Variants in KLHL29 observed in about 807,000 individuals in gnomAD.
KLHL29 encodes the protein kelch like family member 29, also known as kelch-like protein 29.
In KLHL29, 21 loss-of-function variants were observed where a neutral mutation model predicts 80.4. The ratio of observed to expected loss-of-function variants is 0.26; its 90% CI spans 0.19 to 0.38. The LOEUF is 0.38. KLHL29 is among the 10% of genes least tolerant of loss of function. KLHL29 has a pLI of 1.00. For synonymous variants in KLHL29, 511 were observed against 526.8 expected, an observed-to-expected ratio of 0.97 and a Z score of 0.41; for missense variants, 867 against 1,223.9, an observed-to-expected ratio of 0.71 and a Z score of 4.35.
chr2:23,597,403 ATATATTTTTTTTTTTTTTT>A (rs1668451888), intron 3 of KLHL29, among the ~76,000 whole-genome samples: 1 of 39,758 alleles, frequency 2.5e-5, no homozygotes, highest in Non-Finnish European at 4.6e-5. Context: ...ATATATATAT[ATATATTTTTTTTTTTTTTT>A]TTTTTTTTTT....
chr2:23,564,790 G>T (rs978186438), intron 3 of KLHL29, among the ~76,000 whole-genome samples: 1 of 152,198 alleles, frequency 6.6e-6, no homozygotes, highest in African/African-American at 2.4e-5. Context: ...TCTTGCCCTC[G>T]GGGAGCTCAC....
chr2:23,508,062 C>T (rs1266322047), intron 2 of KLHL29, among the ~76,000 whole-genome samples: 1 of 152,216 alleles, frequency 6.6e-6, no homozygotes, highest in Non-Finnish European at 1.5e-5. Context: ...CTATTCTCAG[C>T]CTCCCAGCAG....
At chr2:23,453,050 G>T (rs772156267) in intron 1 of KLHL29, among the ~76,000 whole-genome samples, 1 of 151,516 alleles carries the variant, frequency 6.6e-6, no homozygotes, top group African/African-American at 2.4e-5. Context: ...CTGAGAGACC[G>T]TAAACTTCTA....
chr2:23,466,220 T>C (rs1419717429), intron 1 of KLHL29, among the ~76,000 whole-genome samples: 1 of 152,240 alleles, frequency 6.6e-6, no homozygotes, highest in Non-Finnish European at 1.5e-5. Context: ...ATTCTGTAGA[T>C]GTGGTAATCT....
At chr2:23,654,081 C>A (rs906199829) in intron 5 of KLHL29, among the ~76,000 whole-genome samples, 1 of 152,010 alleles carries the variant, frequency 6.6e-6, no homozygotes, top group Non-Finnish European at 1.5e-5. Flanking sequence ...GCACGAGAAT[C>A]GCTTGAACCC....
At chr2:23,631,678 T>C (rs1310681212) in intron 3 of KLHL29, among the ~76,000 whole-genome samples, 2 of 152,200 alleles carry the variant, frequency 1.3e-5, no homozygotes, top group African/African-American at 2.4e-5. Flanking sequence ...TGTAGTTCAG[T>C]AGCAATCAGG....
intron 2 of KLHL29, among the ~76,000 whole-genome samples, chr2:23,540,125 C>T (rs1173594243): frequency 6.6e-6 from 1 of 152,198 alleles, no homozygotes; most frequent in Non-Finnish European, 1.5e-5. Context: ...CATTTGCCTT[C>T]ATGTCCCCCA....
At chr2:23,387,196 C>T (rs1666206910) in intron 1 of KLHL29, among the ~76,000 whole-genome samples, 1 of 152,194 alleles carries the variant, frequency 6.6e-6, no homozygotes, top group African/African-American at 2.4e-5. Context: ...GTGGAGGACG[C>T]CGAGCTGCTG....
intron 2 of KLHL29, among the ~76,000 whole-genome samples, chr2:23,509,440 T>G (rs1406238316): frequency 1.3e-5 from 2 of 152,150 alleles, no homozygotes; most frequent in African/African-American, 2.4e-5. Flanking sequence ...CCTGTGGATC[T>G]GGGAGAGTGA....
chr2:23,422,145 CTGTG>C (rs370499486), intron 1 of KLHL29, among the ~76,000 whole-genome samples: 121 of 148,702 alleles, frequency 8.1e-4, no homozygotes, highest in African/African-American at 2.8e-3. Flanking sequence ...TTGTGTGTGT[CTGTG>C]TGAGTGTGTG....
chr2:23,530,840 C>A (rs1373199797), intron 2 of KLHL29, among the ~76,000 whole-genome samples: 1 of 152,118 alleles, frequency 6.6e-6, no homozygotes, highest in Non-Finnish European at 1.5e-5. Context: ...GTGGAGGCCA[C>A]CAAGGGTTCT....
At chr2:23,601,546 A>T (rs928122283) in intron 3 of KLHL29, among the ~76,000 whole-genome samples, 1 of 152,194 alleles carries the variant, frequency 6.6e-6, no homozygotes, top group Non-Finnish European at 1.5e-5. Context: ...CATGATTGCA[A>T]ACGAGACCAG....
chr2:23,573,460 C>T (rs1257167854), intron 3 of KLHL29, among the ~76,000 whole-genome samples: 5 of 152,188 alleles, frequency 3.3e-5, no homozygotes, highest in Non-Finnish European at 4.4e-5. Context: ...TGGGATTCAT[C>T]ACCTAGAGCT....
chr2:23,423,345 C>T (rs1271752269), intron 1 of KLHL29, among the ~76,000 whole-genome samples: 2 of 152,216 alleles, frequency 1.3e-5, no homozygotes, highest in Non-Finnish European at 2.9e-5. Flanking sequence ...GCCGTGCCTC[C>T]CACCCCAGGG....
At chr2:23,597,324 T>TGTGTGTGA in intron 3 of KLHL29, among the ~76,000 whole-genome samples, 1 of 141,210 alleles carries the variant, frequency 7.1e-6, no homozygotes, top group Non-Finnish European at 1.5e-5. Context: ...TGTGTGTGTG[T>TGTGTGTGA]GTGTGTGTGT....
At chr2:23,597,774 G>A (rs956568010) in intron 3 of KLHL29, among the ~76,000 whole-genome samples, 40 of 152,118 alleles carry the variant, frequency 2.6e-4, no homozygotes, top group Non-Finnish European at 2.9e-4. Flanking sequence ...TTCTAGCCCT[G>A]ACATGCTCTC....
intron 1 of KLHL29, among the ~76,000 whole-genome samples, chr2:23,410,758 C>T (rs1013503387): frequency 6.6e-6 from 1 of 152,004 alleles, no homozygotes; most frequent in African/African-American, 2.4e-5. Context: ...GTGTATCCTC[C>T]ACCATGTGCT....
chr2:23,435,547 A>G (rs1663313835), intron 1 of KLHL29, among the ~76,000 whole-genome samples: 1 of 152,190 alleles, frequency 6.6e-6, no homozygotes. Flanking sequence ...ATGAAGGGGA[A>G]GTCAAATTCA....
intron 3 of KLHL29, among the ~76,000 whole-genome samples, chr2:23,586,506 C>G (rs957859464): frequency 1.3e-5 from 2 of 151,542 alleles, no homozygotes; most frequent in Non-Finnish European, 2.9e-5. Context: ...ATTACAGGCA[C>G]CTGCCACCAT....
Sources: gnomAD v4.1 joint callset for allele counts (sites outside exome capture counted in the v4.1 genomes callset) on GRCh38, gnomAD v4.1.1 for gene constraint, MANE v1.5 for transcripts, NCBI Gene and HGNC (gene_info 2026-07-23, HGNC 2026-07-21) for gene names.